The following CACNA2D1 variants were observed in gnomAD, a reference collection of about 807,000 sequenced individuals.
CACNA2D1 encodes the protein calcium voltage-gated channel auxiliary subunit alpha2delta 1, also known as voltage-dependent calcium channel subunit alpha-2/delta-1.
A neutral mutation model predicts 171.5 loss-of-function variants in CACNA2D1; 53 were observed. The observed-to-expected ratio is 0.31, with a 90% confidence interval of 0.25 to 0.39. The LOEUF (loss-of-function observed/expected upper bound fraction) is 0.39, where lower values mean the gene tolerates loss of function less well. CACNA2D1 is among the 10% of genes least tolerant of loss of function. CACNA2D1 has a pLI of 1.00. For missense variants in CACNA2D1, 903 were observed against 1,299.8 expected, an observed-to-expected ratio of 0.69 and a Z score of 4.69; for synonymous variants, 442 against 443.1, an observed-to-expected ratio of 1.00 and a Z score of 0.03.
In CACNA2D1 at chr7:82,300,755, T is replaced by C. The variant is rs143270816; in HGVS notation, c.294+34380A>G. On this transcript the variant is annotated intron_variant, in intron 3 of 38. Coordinates refer to ENST00000356860, the MANE Select transcript of CACNA2D1 (RefSeq NM_000722.4). ...TTCAAATCTAATCCACAAATCTGTC[T>C]TCTATAATAAAAATAAATAATGTAA... Among the ~76,000 whole-genome samples, 783 of 152,082 alleles carry C rather than the reference T, an allele frequency of 5.1e-3. 19 individuals are homozygous for C. The East Asian group carries it at 0.082, about 16-fold the overall frequency.
At chr7:82,012,022 G>T (rs1799843846) in intron 15 of CACNA2D1, 132 bp downstream of exon 15, 4 of 692,540 alleles carry the variant, frequency 5.8e-6, no homozygotes, top group Non-Finnish European at 1.1e-5. Flanking sequence ...TTCTAGGAAA[G>T]AAGTCTGTGA....
intron 5 of CACNA2D1, among the ~76,000 whole-genome samples, chr7:82,127,523 A>C (rs1013314373): frequency 6.6e-6 from 1 of 152,196 alleles, no homozygotes; most frequent in South Asian, 2.1e-4. Context: ...TTTCTACCTC[A>C]AATCACTAAA....
intron 34 of CACNA2D1, among the ~76,000 whole-genome samples, chr7:81,963,835 C>T (rs1033971244): frequency 3.3e-5 from 5 of 151,808 alleles, no homozygotes; most frequent in Admixed American, 6.6e-5. Context: ...AGTTTACATC[C>T]GCATAACATT....
intron 5 of CACNA2D1, among the ~76,000 whole-genome samples, chr7:82,122,656 C>A (rs1334842599): frequency 2.6e-5 from 4 of 152,076 alleles, no homozygotes; most frequent in Non-Finnish European, 5.9e-5. Context: ...AAATATGTAA[C>A]CTATATTTTG....
chr7:82,403,047 G>A (rs1826617488), intron 1 of CACNA2D1, among the ~76,000 whole-genome samples: 1 of 152,042 alleles, frequency 6.6e-6, no homozygotes, highest in Non-Finnish European at 1.5e-5. Context: ...GGGAATGGAA[G>A]GGCATAAAAA....
intron 38 of CACNA2D1, among the ~76,000 whole-genome samples, chr7:81,955,980 ATTTT>A (rs1164601123): frequency 0.028 from 959 of 34,304 alleles, 7 homozygotes; most frequent in African/African-American, 0.084. Flanking sequence ...ATATATATAT[ATTTT>A]TTTTTTTTTT....
intron 1 of CACNA2D1, among the ~76,000 whole-genome samples, chr7:82,373,966 T>A (rs1459546261): frequency 6.6e-6 from 1 of 152,160 alleles, no homozygotes; most frequent in Non-Finnish European, 1.5e-5. Context: ...AAGAAAACCA[T>A]CCTGAAAATG....
intron 3 of CACNA2D1, among the ~76,000 whole-genome samples, chr7:82,332,511 AAAG>A (rs1252143293): frequency 4.2e-4 from 8 of 19,040 alleles, no homozygotes; most frequent in African/African-American, 1.3e-3. Flanking sequence ...AAAGAAATAT[AAAG>A]AAAGAAAGAA....
rs1300534454 is a variant in CACNA2D1 at position 82,428,107 on chromosome 7, T to TA, written c.95+15257dup. Among the ~76,000 whole-genome samples the TA allele has an allele frequency of 2.5e-3, 342 of 136,604 alleles. 1 individual carries two copies. The highest frequency in any genetic ancestry group is 8.9e-3 in the African/African-American group (283 of 31,696). 89.6% of individuals were successfully genotyped at this position (136,604 alleles called of 152,430 possible). A position where few individuals can be genotyped will look rare whatever the true frequency, so the allele number is the denominator to read the frequency against. On this transcript the variant is annotated intron_variant, in intron 1 of 38. Coordinates refer to ENST00000356860, the MANE Select transcript of CACNA2D1 (RefSeq NM_000722.4). ...TGTCTTTAAAAAAATAAAAAATAAA[T>TA]AAAAAAAAAACAAACAAAAAACAGA...
intron 1 of CACNA2D1, among the ~76,000 whole-genome samples, chr7:82,440,978 A>C (rs950625097): frequency 3.3e-5 from 5 of 151,774 alleles, no homozygotes; most frequent in East Asian, 1.9e-4. Flanking sequence ...AAAAAAAAAA[A>C]CCCAAAAATA....
chr7:82,060,476 G>C lies in CACNA2D1; in HGVS notation c.831C>G (p.Ser277=), dbSNP rs144936173. Residue 277 remains serine (S), a synonymous_variant, in exon 10 of 39, where the codon TCC becomes TCG. Coordinates refer to ENST00000356860, the MANE Select transcript of CACNA2D1 (RefSeq NM_000722.4). ...CATCTGAGAGGGTTTCTAACATTTC[G>C]GAGACAGATGTTCGGATCAGTTTAA... ...LTLKLIRTSV[S]EMLETLSDDD... 196 of 1,609,488 alleles carry C rather than the reference G, an allele frequency of 1.2e-4. No homozygotes were observed. In the African/African-American group the frequency reaches 2.1e-3, roughly 17 times the overall value.
chr7:82,137,070 A>G (rs1338797150), intron 4 of CACNA2D1, among the ~76,000 whole-genome samples: 2 of 152,238 alleles, frequency 1.3e-5, no homozygotes, highest in Admixed American at 1.3e-4. Context: ...TTATATACAT[A>G]CACAGAGTGT....
At chr7:82,409,755 G>A (rs925297034) in intron 1 of CACNA2D1, among the ~76,000 whole-genome samples, 1 of 152,082 alleles carries the variant, frequency 6.6e-6, no homozygotes, top group African/African-American at 2.4e-5. Flanking sequence ...CGTTTTCTGG[G>A]TTTTAAATAC....
intron 38 of CACNA2D1, among the ~76,000 whole-genome samples, chr7:81,955,409 T>G (rs1456168665): frequency 6.6e-6 from 1 of 152,182 alleles, no homozygotes; most frequent in Admixed American, 6.6e-5. Context: ...ATGATTTTTT[T>G]CAACTTAATT....
At chr7:82,138,237 CCAAA>C (rs917689827) in intron 4 of CACNA2D1, among the ~76,000 whole-genome samples, 4 of 151,730 alleles carry the variant, frequency 2.6e-5, no homozygotes, top group African/African-American at 9.7e-5. Flanking sequence ...TCCATGAAGA[CCAAA>C]CAAACCAAAA....
chr7:82,196,584 G>T (rs990698122), intron 3 of CACNA2D1, among the ~76,000 whole-genome samples: 1 of 152,050 alleles, frequency 6.6e-6, no homozygotes, highest in East Asian at 1.9e-4. Context: ...TAGTTGGTCT[G>T]TTTGTAGATT....
At chr7:82,236,842 A>G (rs987100723) in intron 3 of CACNA2D1, among the ~76,000 whole-genome samples, 1 of 151,966 alleles carries the variant, frequency 6.6e-6, no homozygotes, top group Non-Finnish European at 1.5e-5. Flanking sequence ...AAACTAATTT[A>G]CCACCTACTG....
intron 3 of CACNA2D1, among the ~76,000 whole-genome samples, chr7:82,270,175 CTTTG>C (rs1183543569): frequency 2.6e-5 from 4 of 152,114 alleles, no homozygotes; most frequent in African/African-American, 9.7e-5. Flanking sequence ...CACTGTTAAT[CTTTG>C]TTTTTGTTTT....
chr7:82,255,509 A>C (rs868755353), intron 3 of CACNA2D1, among the ~76,000 whole-genome samples: 2 of 152,208 alleles, frequency 1.3e-5, no homozygotes, highest in African/African-American at 4.8e-5. Context: ...AGAAACTGTC[A>C]ATTATTTACA....
Sources: gnomAD v4.1 joint callset for allele counts (sites outside exome capture counted in the v4.1 genomes callset) on GRCh38, gnomAD v4.1.1 for gene constraint, MANE v1.5 for transcripts, NCBI Gene and HGNC (gene_info 2026-07-23, HGNC 2026-07-21) for gene names.